SLAMF6: variants seen among roughly 807,000 people sequenced by gnomAD.
SLAMF6 encodes the protein SLAM family member 6, also known as NK-T-B-antigen.
Under a neutral mutation model 38.3 loss-of-function variants are expected in SLAMF6, and 21 were observed. The observed-to-expected ratio is 0.55, with a 90% confidence interval of 0.39 to 0.79. The LOEUF is 0.79. SLAMF6 is among the 30% of genes least tolerant of loss of function. The pLI is 0.00. For missense variants in SLAMF6, 341 were observed against 385.3 expected (o/e 0.89, Z 0.96); for synonymous variants, 152 against 146.3 (o/e 1.04, Z -0.28).
At chr1:160,507,914 T>A (rs562685041) in intron 1 of SLAMF6, among the ~76,000 whole-genome samples, 2 of 152,144 alleles carry the variant, frequency 1.3e-5, no homozygotes, top group East Asian at 3.9e-4. Flanking sequence ...TTTATCCCTC[T>A]GAAAGAAAGA....
At chr1:160,506,841 G>A (rs1445534014) in intron 1 of SLAMF6, among the ~76,000 whole-genome samples, 1 of 152,128 alleles carries the variant, frequency 6.6e-6, no homozygotes, top group Non-Finnish European at 1.5e-5. Flanking sequence ...AAAATAGCTT[G>A]TTATAAGTTG....
intron 1 of SLAMF6, among the ~76,000 whole-genome samples, chr1:160,513,480 AG>A (rs1435817230): frequency 6.6e-6 from 1 of 152,196 alleles, no homozygotes; most frequent in African/African-American, 2.4e-5. Context: ...CTAGCAAGAC[AG>A]GCCAACATTC....
At chr1:160,517,608 G>A (rs533122716) in intron 1 of SLAMF6, among the ~76,000 whole-genome samples, 3 of 152,274 alleles carry the variant, frequency 2.0e-5, no homozygotes, top group African/African-American at 7.2e-5. Flanking sequence ...CAACCAAAAT[G>A]CCCATCAATG....
chr1:160,491,355 C>T lies in SLAMF6; in HGVS notation c.416G>A (p.Ser139Asn). The change falls in exon 3 of 8, where the codon AGT becomes AAT. Residue 139 changes from serine (S) to asparagine (N), a missense_variant. Ser to Asn is a conservative substitution (Grantham distance 46). Transcript: ENST00000368057. ...QLRNIQVTNH[S>N]QLFQNMTCEL... ...ACAGGTCATATTCTGAAATAGCTGA[C>T]TGTGATTGGTAACTTGTATGTTCCT... 6.2e-7 allele frequency: 1 copy of T among 1,613,834 alleles called. No individual in the cohort carries two copies. The highest frequency in any genetic ancestry group is 8.5e-7 in the Non-Finnish European group (1 of 1,179,932).
intron 1 of SLAMF6, among the ~76,000 whole-genome samples, chr1:160,515,342 C>G (rs1465605404): frequency 2.0e-5 from 3 of 152,124 alleles, no homozygotes; most frequent in African/African-American, 7.2e-5. Context: ...AGACCAATAA[C>G]AAATTCTGAA....
At chr1:160,516,363 C>G (rs1233783787) in intron 1 of SLAMF6, among the ~76,000 whole-genome samples, 9 of 152,110 alleles carry the variant, frequency 5.9e-5, no homozygotes, top group Non-Finnish European at 1.2e-4. Context: ...AGGACACAAA[C>G]AAATGGAAAA....
At chr1:160,510,210 A>G (rs1654401834) in intron 1 of SLAMF6, among the ~76,000 whole-genome samples, 1 of 152,122 alleles carries the variant, frequency 6.6e-6, no homozygotes, top group Non-Finnish European at 1.5e-5. Flanking sequence ...CTTCCCAAAA[A>G]TAGAAGAGGA....
intron 1 of SLAMF6, among the ~76,000 whole-genome samples, chr1:160,509,455 G>A (rs983100315): frequency 2.6e-5 from 4 of 151,890 alleles, no homozygotes; most frequent in African/African-American, 9.7e-5. Flanking sequence ...ATTGAACAAT[G>A]AGAACACTTG....
chr1:160,490,857 G>T, intron 3 of SLAMF6, 172 bp from the exon 4 acceptor site: 1 of 636,694 alleles, frequency 1.6e-6, no homozygotes, highest in Non-Finnish European at 2.0e-6. Context: ...GTGGGGCCCA[G>T]TGGAGTTAGG....
chr1:160,517,893 A>G (rs943857629), intron 1 of SLAMF6, among the ~76,000 whole-genome samples: 1 of 151,756 alleles, frequency 6.6e-6, no homozygotes, highest in African/African-American at 2.4e-5. Context: ...AGAAAAATAG[A>G]TAATGCATGC....
At chr1:160,510,035 T>A (rs1350563817) in intron 1 of SLAMF6, among the ~76,000 whole-genome samples, 1 of 151,930 alleles carries the variant, frequency 6.6e-6, no homozygotes, top group Non-Finnish European at 1.5e-5. Context: ...ACACATAAAA[T>A]ACCAAGACTG....
In SLAMF6 at chr1:160,515,773, A is replaced by G. The variant is rs528502409; in HGVS notation, c.49+7371T>C. Among the ~76,000 whole-genome samples, 125 of 152,344 alleles carry G rather than the reference A, an allele frequency of 8.2e-4. 2 individuals carry two copies. Among genetic ancestry groups the G allele is most frequent in the South Asian group, 1.7e-3 (8 of 4,824 alleles). On this transcript the variant is annotated intron_variant, in intron 1 of 7. Transcript: ENST00000368057. ...CAAAAACCACAGATTATCTTAATAG[A>G]CACAGAAAAGGCCTTCTATAAAATT... is the stretch of plus-strand genomic sequence containing the variant.
intron 1 of SLAMF6, among the ~76,000 whole-genome samples, chr1:160,506,612 A>G (rs895760505): frequency 6.6e-6 from 1 of 152,216 alleles, no homozygotes; most frequent in African/African-American, 2.4e-5. Context: ...CTGACTGCAT[A>G]GATTAATACA....
intron 7 of SLAMF6, 126 bp downstream of exon 7, chr1:160,486,978 A>T (rs1330533112): frequency 2.2e-5 from 22 of 982,072 alleles, no homozygotes; most frequent in Non-Finnish European, 3.1e-5. Context: ...ATGTCCTGAG[A>T]CTTTCCGCAT....
intron 1 of SLAMF6, among the ~76,000 whole-genome samples, chr1:160,510,850 CA>C (rs1654435254): frequency 6.6e-6 from 1 of 152,074 alleles, no homozygotes; most frequent in African/African-American, 2.4e-5. Flanking sequence ...AAAGAATCCA[CA>C]AAAATGATCA....
chr1:160,492,480 A>G (rs951064596), intron 2 of SLAMF6, among the ~76,000 whole-genome samples: 1 of 152,158 alleles, frequency 6.6e-6, no homozygotes, highest in African/African-American at 2.4e-5. Flanking sequence ...AATAATACCC[A>G]CTTCTCAGGT....
At chr1:160,515,693 G>C (rs1187402897) in intron 1 of SLAMF6, among the ~76,000 whole-genome samples, 1 of 152,070 alleles carries the variant, frequency 6.6e-6, no homozygotes, top group African/African-American at 2.4e-5. Flanking sequence ...ATGCAAGGCT[G>C]GTTCAACATA....
At chr1:160,522,849 G>C (rs897355357) in intron 1 of SLAMF6, among the ~76,000 whole-genome samples, 3 of 152,164 alleles carry the variant, frequency 2.0e-5, no homozygotes, top group Non-Finnish European at 2.9e-5. Flanking sequence ...AACACAAGAT[G>C]CTGGTCATAA....
intron 2 of SLAMF6, 63 bp from the exon 3 acceptor site, chr1:160,491,451 A>C: frequency 6.4e-7 from 1 of 1,560,818 alleles, no homozygotes; most frequent in Non-Finnish European, 8.6e-7. Flanking sequence ...CCCCCTGTGA[A>C]AAATATCCTT....
Sources: allele counts gnomAD v4.1 joint callset (sites outside exome capture counted in the v4.1 genomes callset), GRCh38; gene constraint gnomAD v4.1.1; transcripts MANE v1.5; gene names NCBI Gene and HGNC (gene_info 2026-07-23, HGNC 2026-07-21).